The following CNTFR variants were observed in gnomAD, a reference collection of about 807,000 sequenced individuals.
CNTFR encodes the protein ciliary neurotrophic factor receptor subunit alpha.
Under a neutral mutation model 40.4 loss-of-function variants are expected in CNTFR, and 12 were observed. The ratio of observed to expected loss-of-function variants is 0.30; its 90% CI spans 0.19 to 0.48. The LOEUF (loss-of-function observed/expected upper bound fraction) is 0.48, where lower values mean the gene tolerates loss of function less well. Ranked by LOEUF, CNTFR falls within the 20% of genes least tolerant of loss-of-function variation. The pLI is 0.99. For missense variants in CNTFR, 414 were observed against 506.8 expected, an observed-to-expected ratio of 0.82 and a Z score of 1.76; for synonymous variants, 202 against 209.6, an observed-to-expected ratio of 0.96 and a Z score of 0.31.
At chr9:34,574,076 A>G (rs934240007) in intron 2 of CNTFR, among the ~76,000 whole-genome samples, 9 of 150,040 alleles carry the variant, frequency 6.0e-5, no homozygotes, top group Admixed American at 6.0e-4. Context: ...AGGCCTAGGC[A>G]GCCTGGACAG....
At chr9:34,579,522 CAG>C (rs1174441677) in intron 2 of CNTFR, among the ~76,000 whole-genome samples, 2 of 151,844 alleles carry the variant, frequency 1.3e-5, no homozygotes, top group Non-Finnish European at 2.9e-5. Flanking sequence ...GAAGGAAATG[CAG>C]AGATACCATT....
intron 1 of CNTFR, among the ~76,000 whole-genome samples, chr9:34,588,715 C>A (rs1313777946): frequency 1.3e-5 from 2 of 152,118 alleles, no homozygotes; most frequent in South Asian, 4.1e-4. Context: ...GACAAGGGAG[C>A]GAGCAAGCGA....
At position 34,564,790 on chromosome 9, in the gene CNTFR, G is replaced by A. The variant is rs1826213026; in HGVS notation, c.128C>T (p.Thr43Ile). Residue 43 changes from threonine to isoleucine, a missense_variant, in exon 4 of 10, where the codon ACA becomes ATA. Coordinates refer to ENST00000378980, the MANE Select transcript of CNTFR (RefSeq NM_147164.3). ...VQYERLGSDV[T>I]LPCGTANWDA... ...CCAGTTTGCTGTCCCACATGGCAGT[G>A]TCACGTCAGAGCCCAGGCGCTCGTA... 6.2e-7 allele frequency: 1 copy of A among 1,613,924 alleles called. No homozygotes were observed. Among genetic ancestry groups the A allele is most frequent in the Non-Finnish European group, 8.5e-7 (1 of 1,180,014 alleles).
Position 34,551,899 on chromosome 9 carries a change from C to T in CNTFR, c.*172G>A. On this transcript the variant is annotated 3_prime_UTR_variant, in exon 10 of 10. Coordinates refer to ENST00000378980, the MANE Select transcript of CNTFR (RefSeq NM_147164.3). ...AGGAAGGAGGGCCAGCTTGGTGCGG[C>T]AGGGCTGGGGGGCGGCAGGCCCGGG... 1 of 703,056 alleles carries T rather than the reference C, an allele frequency of 1.4e-6. No individual in the cohort carries two copies. Among genetic ancestry groups the T allele is most frequent in the Non-Finnish European group, 2.6e-6 (1 of 382,668 alleles). 43.6% of individuals were successfully genotyped at this position (703,056 alleles called of 1,614,324 possible). A position where few individuals can be genotyped will look rare whatever the true frequency, so the allele number is the denominator to read the frequency against.
At chr9:34,565,580 C>T (rs549089956) in intron 3 of CNTFR, among the ~76,000 whole-genome samples, 9 of 152,196 alleles carry the variant, frequency 5.9e-5, no homozygotes, top group African/African-American at 1.9e-4. Context: ...TTGGGGGGTG[C>T]GGTGCTGCTG....
At position 34,574,143 on chromosome 9, in the gene CNTFR, G is replaced by C. The variant is rs1352936734; in HGVS notation, c.1-5162C>G. On this transcript the variant is annotated intron_variant, in intron 2 of 9. Coordinates refer to ENST00000378980, the MANE Select transcript of CNTFR (RefSeq NM_147164.3). Reference sequence around the variant, plus strand: ...AGCGGTCCAGAGGCTTGGGGGGTGGGGGGACCAGGCCGAGGAGGGAGGCCT... The same window carrying C: ...AGCGGTCCAGAGGCTTGGGGGGTGGCGGGACCAGGCCGAGGAGGGAGGCCT... Among the ~76,000 whole-genome samples the C allele has an allele frequency of 3.3e-5, 5 of 152,186 alleles. No homozygotes were observed. In the East Asian group the frequency reaches 9.7e-4, roughly 30 times the overall value.
At chr9:34,586,389 C>G (rs1361743465) in intron 1 of CNTFR, among the ~76,000 whole-genome samples, 1 of 152,184 alleles carries the variant, frequency 6.6e-6, no homozygotes, top group Non-Finnish European at 1.5e-5. Context: ...TCTCCTCCTC[C>G]AGCTACTTTC....
intron 4 of CNTFR, among the ~76,000 whole-genome samples, chr9:34,563,538 A>G (rs1826155578): frequency 1.3e-5 from 2 of 152,330 alleles, no homozygotes; most frequent in East Asian, 3.9e-4. Flanking sequence ...CCATTCCTTC[A>G]CGGTATTTCC....
intron 4 of CNTFR, among the ~76,000 whole-genome samples, chr9:34,562,562 G>C (rs1180521142): frequency 6.6e-6 from 1 of 152,190 alleles, no homozygotes; most frequent in South Asian, 2.1e-4. Flanking sequence ...ATTTTACACA[G>C]TGTTCTACAC....
At chr9:34,587,200 T>C (rs1409830049) in intron 1 of CNTFR, among the ~76,000 whole-genome samples, 2 of 152,058 alleles carry the variant, frequency 1.3e-5, no homozygotes, top group African/African-American at 4.8e-5. Context: ...CCTGTACAAG[T>C]CAGCATAAGC....
At chr9:34,576,894 C>A (rs1397914009) in intron 2 of CNTFR, among the ~76,000 whole-genome samples, 1 of 152,258 alleles carries the variant, frequency 6.6e-6, no homozygotes, top group Non-Finnish European at 1.5e-5. Flanking sequence ...GTGCCCATAA[C>A]TGTCTAGCGG....
At chr9:34,583,397 G>A (rs956467921) in intron 1 of CNTFR, among the ~76,000 whole-genome samples, 1 of 152,124 alleles carries the variant, frequency 6.6e-6, no homozygotes, top group African/African-American at 2.4e-5. Flanking sequence ...ACTCTTTATC[G>A]CTAGCTGGCT....
chr9:34,587,581 C>T (rs972534692), intron 1 of CNTFR, among the ~76,000 whole-genome samples: 1 of 152,134 alleles, frequency 6.6e-6, no homozygotes, highest in Non-Finnish European at 1.5e-5. Context: ...GCTCCAGGGT[C>T]CCCGTGTGAG....
chr9:34,551,821 G>T lies in CNTFR; in HGVS notation c.*250C>A. 1 of 631,788 alleles carries T rather than the reference G, an allele frequency of 1.6e-6. No individual in the cohort carries two copies. Among genetic ancestry groups the T allele is most frequent in the South Asian group, 1.8e-5 (1 of 54,868 alleles). The allele number at this position is 631,788 out of a possible 1,614,324, so 39.1% of individuals were successfully genotyped here. A position where few individuals can be genotyped will look rare whatever the true frequency, so the allele number is the denominator to read the frequency against. On this transcript the variant is annotated 3_prime_UTR_variant, in exon 10 of 10. Coordinates refer to ENST00000378980, the MANE Select transcript of CNTFR (RefSeq NM_147164.3). ...GGAGGGTCCAGCCCAAGGGGCCAGGGTGAGGGGGTCTTTGGTGGGTGGGTT... is the reference window on the plus strand; with the variant it reads ...GGAGGGTCCAGCCCAAGGGGCCAGGTTGAGGGGGTCTTTGGTGGGTGGGTT...
In CNTFR at chr9:34,552,192, C is replaced by A; in HGVS notation, c.1087G>T (p.Ala363Ser). ...AAGAGACTGCTGGCAGTGGCGGCAG[C>A]GGCAGCCAGGGCCAGAGTGATGGGG... Reference protein sequence around the residue: ...SVPITLALAAAAATASSLLI With the variant: ...SVPITLALAASAATASSLLI The change falls in exon 9 of 10, where the codon GCT becomes TCT. Residue 363 changes from alanine (A) to serine (S), a missense_variant. Ala to Ser is a moderately conservative substitution (Grantham distance 99, BLOSUM62 1). This residue lies in a region of CNTFR where 81 missense variants were observed against 92.2 expected (regional missense o/e 0.88). Transcript: ENST00000378980. The surrounding 1 kb of genome is among the most constrained non-coding windows in gnomAD (Gnocchi z 5.1). 2 of 1,591,992 alleles carry A rather than the reference C, an allele frequency of 1.3e-6. No individual in the cohort carries two copies. The highest frequency in any genetic ancestry group is 1.3e-5 in the African/African-American group (1 of 74,736).
chr9:34,552,343 G>A lies in CNTFR; in HGVS notation c.950-14C>T, dbSNP rs1441299703. ...TGGTCGTGGTCTCTGGGGAACATGG[G>A]GGAAACTCAGGGCAAGGCCAGGGCT... On this transcript the variant is annotated splice_polypyrimidine_tract_variant and intron_variant, in intron 8 of 9. Transcript: ENST00000378980. The surrounding 1 kb of genome is among the most constrained non-coding windows in gnomAD (Gnocchi z 5.1). 29 of 1,532,690 alleles carry A rather than the reference G, an allele frequency of 1.9e-5. No homozygotes were observed. The highest frequency in any genetic ancestry group is 2.5e-5 in the Non-Finnish European group (29 of 1,144,600). 94.9% of individuals were successfully genotyped at this position (1,532,690 alleles called of 1,614,324 possible). A position where few individuals can be genotyped will look rare whatever the true frequency, so the allele number is the denominator to read the frequency against.
At chr9:34,572,266 A>C (rs1031852527) in intron 2 of CNTFR, among the ~76,000 whole-genome samples, 57 of 151,908 alleles carry the variant, frequency 3.8e-4, no homozygotes, top group Admixed American at 1.3e-4. Context: ...CCAGTTTGGG[A>C]GGCTGAAGCC....
rs564755995 is a variant in CNTFR at position 34,564,919 on chromosome 9, T to C, written c.86-87A>G. On this transcript the variant is annotated intron_variant, in intron 3 of 9. Coordinates refer to ENST00000378980, the MANE Select transcript of CNTFR (RefSeq NM_147164.3). ...GCGAGCGTGCTCAGACAAGAGCCTG[T>C]GAGGATGGATGAGTGAGGACGAGAG... The C allele has an allele frequency of 3.7e-6, 4 of 1,085,746 alleles. No homozygotes were observed. In the East Asian group the frequency reaches 1.0e-4, roughly 27 times the overall value. The allele number at this position is 1,085,746 out of a possible 1,614,324, so 67.3% of individuals were successfully genotyped here.
intron 1 of CNTFR, among the ~76,000 whole-genome samples, chr9:34,588,237 C>T (rs1459842649): frequency 6.6e-6 from 1 of 152,172 alleles, no homozygotes; most frequent in African/African-American, 2.4e-5. Flanking sequence ...TAGTTTGAGA[C>T]ACCTAGGCCC....
Sources: gnomAD v4.1 joint callset for allele counts (sites outside exome capture counted in the v4.1 genomes callset) on GRCh38, gnomAD v4.1.1 for gene constraint, gnomAD v4.1.1 regional missense constraint, Gnocchi (gnomAD v3.1) non-coding constraint, MANE v1.5 for transcripts, NCBI Gene and HGNC (gene_info 2026-07-23, HGNC 2026-07-21) for gene names.